The following ZFHX4 variants were observed in gnomAD, a reference collection of about 807,000 sequenced individuals.
The protein encoded by ZFHX4 is zinc finger homeobox protein 4.
In ZFHX4, 56 loss-of-function variants were observed where a neutral mutation model predicts 267.6. The observed-to-expected ratio is 0.21, with a 90% CI of 0.17 to 0.26. The LOEUF (loss-of-function observed/expected upper bound fraction) is 0.26. Ranked by LOEUF, ZFHX4 falls within the 10% of genes least tolerant of loss-of-function variation. The pLI is 1.00. For synonymous variants in ZFHX4, 1,778 were observed against 1,665.6 expected, an observed-to-expected ratio of 1.07 and a Z score of -1.64; for missense variants, 4,332 against 4,420.0, an observed-to-expected ratio of 0.98 and a Z score of 0.56.
chr8:76,759,725 G>T (rs993415201), intron 3 of ZFHX4, among the ~76,000 whole-genome samples: 5 of 151,946 alleles, frequency 3.3e-5, no homozygotes, highest in Non-Finnish European at 2.9e-5. Context: ...TTAATTTTTT[G>T]AATTTTATTC....
chr8:76,864,023 G>C lies in ZFHX4; in HGVS notation c.10309G>C (p.Glu3437Gln). 6.2e-7 allele frequency: 1 copy of C among 1,613,860 alleles called. No homozygotes were observed. The change falls in exon 11 of 11, where the codon GAG becomes CAG. Residue 3437 changes from glutamate (E) to glutamine (Q), a missense_variant. Glu to Gln is a conservative substitution (Grantham distance 29). Around this residue, in one of 7 missense-constraint regions of ZFHX4, gnomAD observed 1,648 missense variants for 1,625.0 expected, o/e 1.01. Coordinates refer to ENST00000651372, the MANE Select transcript of ZFHX4 (RefSeq NM_024721.5). ...CGGTCAGCCTTTGATTGACCCACAA[G>C]AGACAGTGCTTCGTGTCCCAGTCAG... Reference protein sequence around the residue: ...YFGQPLIDPQETVLRVPVSKY... With the variant: ...YFGQPLIDPQQTVLRVPVSKY...
chr8:76,744,655 C>T (rs761673995), intron 3 of ZFHX4, among the ~76,000 whole-genome samples: 2 of 152,032 alleles, frequency 1.3e-5, no homozygotes, highest in Non-Finnish European at 2.9e-5. Context: ...TCAAGTAATC[C>T]GTCCATCTCG....
At position 76,819,177 on chromosome 8, in the gene ZFHX4, T is replaced by C. The variant is rs1811581793; in HGVS notation, c.3326-14161T>C. On this transcript the variant is annotated intron_variant, in intron 4 of 10. Coordinates refer to ENST00000651372, the MANE Select transcript of ZFHX4 (RefSeq NM_024721.5). ...TTTTTTTTTTTTAACTCACAAAAAG[T>C]ATTCATTTTTCCTCATGATTTTAAT... 3.4e-5 allele frequency among the ~76,000 whole-genome samples: 5 copies of C among 148,364 alleles called. No homozygotes were observed. The Admixed American group carries it at 3.4e-4, about 10-fold the overall frequency.
chr8:76,736,190 T>A (rs1407100447), intron 3 of ZFHX4, among the ~76,000 whole-genome samples: 1 of 151,906 alleles, frequency 6.6e-6, no homozygotes, highest in Non-Finnish European at 1.5e-5. Context: ...CATTTTTCAA[T>A]CAAGGGAAGT....
chr8:76,831,281 C>G (rs1389460267), intron 4 of ZFHX4, among the ~76,000 whole-genome samples: 1 of 152,026 alleles, frequency 6.6e-6, no homozygotes, highest in Non-Finnish European at 1.5e-5. Context: ...TCATTTTGAA[C>G]AAGTCTATAT....
intron 3 of ZFHX4, among the ~76,000 whole-genome samples, chr8:76,732,417 C>T (rs975806009): frequency 7.3e-5 from 11 of 151,628 alleles, no homozygotes; most frequent in South Asian, 2.1e-4. Context: ...TATTAATATT[C>T]GCAGTATTCT....
At chr8:76,690,499 A>G (rs1291911329) in intron 1 of ZFHX4, among the ~76,000 whole-genome samples, 1 of 152,032 alleles carries the variant, frequency 6.6e-6, no homozygotes, top group African/African-American at 2.4e-5. Flanking sequence ...TTCCCATGGT[A>G]TTTTCATTAA....
chr8:76,844,834 T>C (rs911078725), intron 6 of ZFHX4, among the ~76,000 whole-genome samples: 7 of 152,154 alleles, frequency 4.6e-5, no homozygotes, highest in African/African-American at 1.7e-4. Flanking sequence ...TCAAGACAGC[T>C]CTTGTGATTG....
At chr8:76,684,094 G>A (rs2131572474) in intron 1 of ZFHX4, 1 of 151,204 alleles carries the variant, frequency 6.6e-6, no homozygotes, top group South Asian at 2.1e-4. Context: ...AAAAACAATT[G>A]TGTATAGAAA....
intron 3 of ZFHX4, among the ~76,000 whole-genome samples, chr8:76,758,892 G>A (rs1318023345): frequency 1.3e-5 from 2 of 152,070 alleles, no homozygotes; most frequent in Non-Finnish European, 2.9e-5. Flanking sequence ...TTAAACAACT[G>A]TTTTCCCCAG....
At chr8:76,807,264 G>GGTATAGTT (rs1360021338) in intron 4 of ZFHX4, among the ~76,000 whole-genome samples, 1 of 151,822 alleles carries the variant, frequency 6.6e-6, no homozygotes, top group Non-Finnish European at 1.5e-5. Flanking sequence ...GTGGTATAGT[G>GGTATAGTT]GTATAGCAGA....
In ZFHX4 at chr8:76,855,693, T is replaced by C. The variant is rs116855615; in HGVS notation, c.8772T>C (p.Asn2924=). 1,080 of 1,613,884 alleles carry C rather than the reference T, an allele frequency of 6.7e-4. 11 individuals carry two copies. The East Asian group carries it at 0.019, about 29-fold the overall frequency. The change falls in exon 10 of 11, where the codon AAT becomes AAC. Residue 2924 remains asparagine (N), a synonymous_variant. Transcript: ENST00000651372. The part of the protein sequence containing the change: ...GSSNPFKSKS[N]DRPGHKRFRT... ...GCAATCCCTTTAAATCCAAAAGTAA[T>C]GATCGGCCGGGTCACAAGCGTTTTC...
chr8:76,842,735 G>T lies in ZFHX4; in HGVS notation c.3475G>T (p.Asp1159Tyr), dbSNP rs746436593. The change falls in exon 6 of 11, where the codon GAC becomes TAC. Residue 1159 changes from aspartate to tyrosine, a missense_variant. Around this residue, in one of 7 missense-constraint regions of ZFHX4, gnomAD observed 1,371 missense variants for 1,423.1 expected, o/e 0.96. Coordinates refer to ENST00000651372, the MANE Select transcript of ZFHX4 (RefSeq NM_024721.5). ...EDDEKDTSER[D>Y]NSEGKNSNKD... The stretch of plus-strand genomic sequence containing the variant: ...CGATGAAAAAGACACAAGTGAGAGA[G>T]ACAATAGTGAAGGCAAAAACTCTAA... The T allele has an allele frequency of 6.4e-7, 1 of 1,553,976 alleles. No homozygotes were observed. Among genetic ancestry groups the T allele is most frequent in the South Asian group, 1.2e-5 (1 of 84,088 alleles).
chr8:76,754,893 G>A (rs925360539), intron 3 of ZFHX4, among the ~76,000 whole-genome samples: 4 of 152,030 alleles, frequency 2.6e-5, no homozygotes, highest in Non-Finnish European at 5.9e-5. Flanking sequence ...CTACTTCAAT[G>A]AGATCATGTT....
chr8:76,815,586 C>T (rs1811484380), intron 4 of ZFHX4, among the ~76,000 whole-genome samples: 1 of 152,120 alleles, frequency 6.6e-6, no homozygotes, highest in Non-Finnish European at 1.5e-5. Flanking sequence ...ACTGTAGCCT[C>T]GAAATCCTGG....
intron 1 of ZFHX4, among the ~76,000 whole-genome samples, chr8:76,681,845 T>TC (rs913316233): frequency 2.0e-5 from 3 of 152,056 alleles, no homozygotes; most frequent in African/African-American, 7.2e-5. Context: ...TCTATCTCTT[T>TC]CCCCTTTTTT....
chr8:76,727,296 C>T (rs766365759), intron 3 of ZFHX4, among the ~76,000 whole-genome samples: 2 of 151,856 alleles, frequency 1.3e-5, no homozygotes, highest in Non-Finnish European at 2.9e-5. Context: ...TTTCTTCCAT[C>T]GTTTTCAACA....
chr8:76,755,494 A>G (rs1320453583), intron 3 of ZFHX4, among the ~76,000 whole-genome samples: 1 of 152,180 alleles, frequency 6.6e-6, no homozygotes, highest in Non-Finnish European at 1.5e-5. Flanking sequence ...CAACCAGGAC[A>G]AGATGCCATA....
chr8:76,787,584 C>T (rs1398852767), intron 4 of ZFHX4, among the ~76,000 whole-genome samples: 5 of 145,948 alleles, frequency 3.4e-5, no homozygotes, highest in African/African-American at 5.1e-5. Flanking sequence ...GGGCGGATCA[C>T]GAGGTCAGGA....
Sources: gnomAD v4.1 joint callset for allele counts (sites outside exome capture counted in the v4.1 genomes callset) on GRCh38, gnomAD v4.1.1 for gene constraint, gnomAD v4.1.1 regional missense constraint, MANE v1.5 for transcripts, NCBI Gene and HGNC (gene_info 2026-07-23, HGNC 2026-07-21) for gene names.